The following DGKI variants were observed in gnomAD, a reference collection of about 807,000 sequenced individuals.
The protein encoded by DGKI is DAG kinase iota.
In DGKI, 55 loss-of-function variants were observed where a neutral mutation model predicts 147.5. The observed-to-expected ratio is 0.37, with a 90% CI of 0.30 to 0.47. The LOEUF is 0.47. Ranked by LOEUF, DGKI falls within the 20% of genes least tolerant of loss-of-function variation. DGKI has a pLI of 1.00. For missense variants in DGKI, 1,007 were observed against 1,323.8 expected, an observed-to-expected ratio of 0.76 and a Z score of 3.71; for synonymous variants, 469 against 477.1, an observed-to-expected ratio of 0.98 and a Z score of 0.22.
At chr7:137,768,256 C>T (rs1796077467) in intron 1 of DGKI, among the ~76,000 whole-genome samples, 1 of 151,998 alleles carries the variant, frequency 6.6e-6, no homozygotes, top group Non-Finnish European at 1.5e-5. Context: ...AATTGGCAAA[C>T]CAAATGATCA....
chr7:137,418,796 G>A (rs556294942), intron 28 of DGKI, among the ~76,000 whole-genome samples: 22 of 152,218 alleles, frequency 1.4e-4, no homozygotes, highest in African/African-American at 5.3e-4. Context: ...AAAAGACGTA[G>A]GGAAAAACAT....
At chr7:137,413,907 AT>A (rs1812259535) in intron 28 of DGKI, among the ~76,000 whole-genome samples, 1 of 152,252 alleles carries the variant, frequency 6.6e-6, no homozygotes, top group Admixed American at 6.5e-5. Context: ...ACAACAGTGT[AT>A]AAGCATTCCC....
chr7:137,513,123 T>A (rs1370407777), intron 21 of DGKI, among the ~76,000 whole-genome samples: 2 of 152,202 alleles, frequency 1.3e-5, no homozygotes, highest in African/African-American at 4.8e-5. Flanking sequence ...TTTCCAACTT[T>A]CAACTAGTAA....
intron 19 of DGKI, among the ~76,000 whole-genome samples, chr7:137,567,788 T>C (rs1818640631): frequency 2.6e-5 from 4 of 152,330 alleles, no homozygotes; most frequent in South Asian, 4.1e-4. Context: ...TATACTGTTA[T>C]TGTGGTTGTG....
At chr7:137,672,917 G>C (rs572812382) in intron 3 of DGKI, among the ~76,000 whole-genome samples, 13 of 151,848 alleles carry the variant, frequency 8.6e-5, no homozygotes, top group African/African-American at 3.1e-4. Context: ...TAATGCCGCC[G>C]GGATTGCAGG....
At chr7:137,819,417 T>C (rs1797831138) in intron 1 of DGKI, among the ~76,000 whole-genome samples, 1 of 151,764 alleles carries the variant, frequency 6.6e-6, no homozygotes, top group Non-Finnish European at 1.5e-5. Context: ...GTTCATGCCA[T>C]TTCCTGCCTC....
chr7:137,391,178 T>C lies in DGKI; in HGVS notation c.*42A>G. 1.4e-6 allele frequency: 2 copies of C among 1,450,972 alleles called. No individual in the cohort carries two copies. The highest frequency in any genetic ancestry group is 1.9e-6 in the Non-Finnish European group (2 of 1,032,238). The allele number at this position is 1,450,972 out of a possible 1,614,324, so 89.9% of individuals were successfully genotyped here. A position where few individuals can be genotyped will look rare whatever the true frequency, so the allele number is the denominator to read the frequency against. ...GCTGCCCAATTGCAGGGAGGGCAGA[T>C]GTGATACGCTTGCTCATGTCCTCTT... On this transcript the variant is annotated 3_prime_UTR_variant, in exon 33 of 33. Coordinates refer to ENST00000614521, the MANE Select transcript of DGKI (RefSeq NM_001321708.2).
At position 137,802,712 on chromosome 7, in the gene DGKI, G is replaced by C. The variant is rs1252079140; in HGVS notation, c.401+43750C>G. Among the ~76,000 whole-genome samples the C allele has an allele frequency of 3.3e-5, 5 of 152,288 alleles. No individual in the cohort carries two copies. The East Asian group carries it at 7.7e-4, about 24-fold the overall frequency. ...AATTTCTTATTAGTGCCAAATTATA[G>C]AAGTGGCTTCCTCTCCTACCGGCCT... On this transcript the variant is annotated intron_variant, in intron 1 of 32. Transcript: ENST00000614521.
intron 1 of DGKI, among the ~76,000 whole-genome samples, chr7:137,793,455 C>A (rs1223440774): frequency 6.6e-6 from 1 of 152,096 alleles, no homozygotes; most frequent in Admixed American, 6.5e-5. Flanking sequence ...CACACACCAC[C>A]ATGCCCGGCT....
chr7:137,477,832 T>C (rs1337571197), intron 23 of DGKI, among the ~76,000 whole-genome samples: 1 of 151,988 alleles, frequency 6.6e-6, no homozygotes, highest in Non-Finnish European at 1.5e-5. Context: ...AATTTTGGGG[T>C]TGTTTTTTTG....
intron 21 of DGKI, among the ~76,000 whole-genome samples, chr7:137,494,784 C>G (rs1395314708): frequency 6.6e-6 from 1 of 152,104 alleles, no homozygotes; most frequent in African/African-American, 2.4e-5. Flanking sequence ...CAGTAATGAG[C>G]TAACAACACA....
intron 1 of DGKI, among the ~76,000 whole-genome samples, chr7:137,772,500 T>C (rs1796234549): frequency 6.6e-6 from 1 of 152,096 alleles, no homozygotes; most frequent in Admixed American, 6.5e-5. Context: ...AATACACACA[T>C]CTGGTTAGAA....
chr7:137,745,324 T>A lies in DGKI; in HGVS notation c.402-55322A>T, dbSNP rs144065162. ...GACTACGTCCAAAGAAATCACCCAG[T>A]ATAAAACCTTCAGACAAACACATTA... is the stretch of plus-strand genomic sequence containing the variant. On this transcript the variant is annotated intron_variant, in intron 1 of 32. Coordinates refer to ENST00000614521, the MANE Select transcript of DGKI (RefSeq NM_001321708.2). Among the ~76,000 whole-genome samples the A allele has an allele frequency of 1.2e-4, 18 of 152,356 alleles. No individual in the cohort carries two copies. In the East Asian group the frequency reaches 3.5e-3, roughly 29 times the overall value.
intron 29 of DGKI, among the ~76,000 whole-genome samples, chr7:137,410,710 T>C (rs1009948420): frequency 6.6e-5 from 10 of 152,214 alleles, no homozygotes; most frequent in Non-Finnish European, 1.0e-4. Flanking sequence ...GTTTCAAATG[T>C]ACAGTGCTTT....
chr7:137,488,263 G>A (rs1815639558), intron 21 of DGKI, among the ~76,000 whole-genome samples: 1 of 152,008 alleles, frequency 6.6e-6, no homozygotes, highest in East Asian at 1.9e-4. Context: ...GGCATAAAAT[G>A]TTAGAAAGAA....
intron 6 of DGKI, among the ~76,000 whole-genome samples, chr7:137,629,502 C>T (rs1554444546): frequency 3.9e-5 from 6 of 152,240 alleles, no homozygotes; most frequent in Non-Finnish European, 8.8e-5. Context: ...AGTTGACAAA[C>T]AACTGTGATG....
At chr7:137,768,436 A>C (rs74446036) in intron 1 of DGKI, among the ~76,000 whole-genome samples, 4,323 of 152,286 alleles carry the variant, frequency 0.028, 230 homozygotes, top group African/African-American at 0.099. Context: ...ACATATTTTA[A>C]ATAGCTTCGT....
chr7:137,612,704 T>C (rs979539128), intron 8 of DGKI, among the ~76,000 whole-genome samples: 10 of 152,136 alleles, frequency 6.6e-5, no homozygotes, highest in Admixed American at 6.6e-4. Flanking sequence ...TGTCAAGAAG[T>C]TACTGTGTAG....
At chr7:137,683,466 G>A (rs1823309512) in intron 2 of DGKI, among the ~76,000 whole-genome samples, 1 of 152,040 alleles carries the variant, frequency 6.6e-6, no homozygotes, top group Non-Finnish European at 1.5e-5. Flanking sequence ...GCCTCAAACT[G>A]CTGGATTCAA....
Sources: gnomAD v4.1 joint callset for allele counts (sites outside exome capture counted in the v4.1 genomes callset) on GRCh38, gnomAD v4.1.1 for gene constraint, MANE v1.5 for transcripts, NCBI Gene and HGNC (gene_info 2026-07-23, HGNC 2026-07-21) for gene names.